Variants in RBM20 observed in about 807,000 individuals in gnomAD.
RBM20 encodes the protein RNA binding motif protein 20.
RBM20 carries 51 observed loss-of-function variants against 110.1 expected under a neutral mutation model. The ratio of observed to expected loss-of-function variants is 0.46; its 90% CI spans 0.37 to 0.59. The LOEUF (loss-of-function observed/expected upper bound fraction) is 0.59. Ranked by LOEUF, RBM20 falls within the 20% of genes least tolerant of loss-of-function variation. The probability of loss-of-function intolerance (pLI) is 0.00; values close to 1 mark genes in which losing one functional copy is unlikely to be tolerated. For missense variants in RBM20, 1,512 were observed against 1,574.9 expected (o/e 0.96, Z 0.68); for synonymous variants, 589 against 618.2 (o/e 0.95, Z 0.70).
rs139040180 is a variant in RBM20 at position 110,784,535 on chromosome 10, C to A, written c.1429+103C>A. 1.3e-3 allele frequency: 1,143 copies of A among 885,802 alleles called. 3 individuals are homozygous for A. Among genetic ancestry groups the A allele is most frequent in the Non-Finnish European group, 1.6e-3 (848 of 544,464 alleles). 54.9% of individuals were successfully genotyped at this position (885,802 alleles called of 1,614,324 possible). ...ACCAGGACTTCCCTGATGTCCCCTT[C>A]TCACGGATGTAGAAAGCAAACAGAT... On this transcript the variant is annotated intron_variant, in intron 4 of 13. Transcript: ENST00000369519.
chr10:110,725,751 G>C (rs1294212299), intron 1 of RBM20, among the ~76,000 whole-genome samples: 1 of 152,228 alleles, frequency 6.6e-6, no homozygotes, highest in Non-Finnish European at 1.5e-5. Context: ...GCTATTGCGG[G>C]GAGGCAGCGT....
At chr10:110,698,442 A>T (rs1203616627) in intron 1 of RBM20, among the ~76,000 whole-genome samples, 3 of 152,192 alleles carry the variant, frequency 2.0e-5, no homozygotes, top group Non-Finnish European at 4.4e-5. Flanking sequence ...GCCTGGCAGG[A>T]ACCCTGCCTG....
chr10:110,643,807 C>T (rs1439818492), upstream of RBM20, among the ~76,000 whole-genome samples: 4 of 152,224 alleles, frequency 2.6e-5, no homozygotes, highest in Non-Finnish European at 2.9e-5. Flanking sequence ...CTTTCTTCCC[C>T]TCAGGGTCGG....
chr10:110,747,297 G>GC (rs956966271), intron 1 of RBM20, among the ~76,000 whole-genome samples: 10 of 80,400 alleles, frequency 1.2e-4, no homozygotes, highest in African/African-American at 6.6e-4. Context: ...CTCTTTTTTT[G>GC]GGGGGGGGGG....
chr10:110,765,434 C>T (rs1844067123), intron 1 of RBM20, among the ~76,000 whole-genome samples: 1 of 152,004 alleles, frequency 6.6e-6, no homozygotes, highest in Non-Finnish European at 1.5e-5. Context: ...TCTGAGCACC[C>T]CTGAAGTAGC....
At chr10:110,752,654 A>T (rs1189426559) in intron 1 of RBM20, among the ~76,000 whole-genome samples, 1 of 152,128 alleles carries the variant, frequency 6.6e-6, no homozygotes, top group African/African-American at 2.4e-5. Flanking sequence ...AATATTGCAT[A>T]CACACCCAAA....
intron 1 of RBM20, among the ~76,000 whole-genome samples, chr10:110,752,854 T>A (rs1228352305): frequency 6.7e-6 from 1 of 150,006 alleles, no homozygotes; most frequent in East Asian, 1.9e-4. Context: ...CACTTGTGTT[T>A]CTATTATTTT....
At chr10:110,723,399 T>C (rs1843530109) in intron 1 of RBM20, among the ~76,000 whole-genome samples, 1 of 152,232 alleles carries the variant, frequency 6.6e-6, no homozygotes. Context: ...CCTGTCTGTG[T>C]GGATTTGCCT....
intron 1 of RBM20, among the ~76,000 whole-genome samples, chr10:110,721,970 G>A (rs2134934026): frequency 6.6e-6 from 1 of 152,134 alleles, no homozygotes; most frequent in South Asian, 2.1e-4. Flanking sequence ...GTTGGAGAGG[G>A]GAGGGCTCCC....
At chr10:110,698,188 G>A (rs533949219) in intron 1 of RBM20, among the ~76,000 whole-genome samples, 11 of 152,272 alleles carry the variant, frequency 7.2e-5, no homozygotes, top group Non-Finnish European at 1.3e-4. Context: ...GATTACAGGC[G>A]TGAGCCACCG....
At chr10:110,740,292 A>G (rs1270647872) in intron 1 of RBM20, among the ~76,000 whole-genome samples, 1 of 152,178 alleles carries the variant, frequency 6.6e-6, no homozygotes, top group African/African-American at 2.4e-5. Flanking sequence ...GAGACCATCT[A>G]GTGTAGGTCA....
At chr10:110,728,426 CT>C (rs201202810) in intron 1 of RBM20, among the ~76,000 whole-genome samples, 5 of 151,682 alleles carry the variant, frequency 3.3e-5, no homozygotes, top group East Asian at 1.9e-4. Context: ...AAAAGCCACA[CT>C]TTTTTTTTGG....
At chr10:110,782,065 A>C (rs1844360907) in intron 2 of RBM20, among the ~76,000 whole-genome samples, 181 bp downstream of exon 2, 1 of 152,258 alleles carries the variant, frequency 6.6e-6, no homozygotes, top group South Asian at 2.1e-4. Context: ...GAAATGTATC[A>C]GGACCAGTCC....
intron 12 of RBM20, among the ~76,000 whole-genome samples, chr10:110,830,192 G>T (rs570983428): frequency 6.6e-6 from 1 of 152,174 alleles, no homozygotes; most frequent in African/African-American, 2.4e-5. Flanking sequence ...CTGACTGACC[G>T]TGTCTTCAAA....
At chr10:110,744,946 C>T (rs1843762047) in intron 1 of RBM20, among the ~76,000 whole-genome samples, 1 of 152,168 alleles carries the variant, frequency 6.6e-6, no homozygotes, top group Admixed American at 6.5e-5. Context: ...CCTCCCAGCA[C>T]CAAAAGGAGC....
At chr10:110,751,518 T>C (rs1843853472) in intron 1 of RBM20, among the ~76,000 whole-genome samples, 1 of 152,226 alleles carries the variant, frequency 6.6e-6, no homozygotes, top group Non-Finnish European at 1.5e-5. Flanking sequence ...TTCCTACACA[T>C]AAAATAATGT....
intron 1 of RBM20, among the ~76,000 whole-genome samples, chr10:110,715,668 T>A (rs188640852): frequency 6.6e-6 from 1 of 152,358 alleles, no homozygotes; most frequent in Admixed American, 6.5e-5. Flanking sequence ...GGCTGCTCCA[T>A]ATGATTCCTC....
chr10:110,767,256 C>T (rs1844109867), intron 1 of RBM20, among the ~76,000 whole-genome samples: 1 of 139,014 alleles, frequency 7.2e-6, no homozygotes, highest in African/African-American at 2.7e-5. Flanking sequence ...GCTGGCCGGG[C>T]AGAGGGGCTC....
At chr10:110,765,947 G>A (rs1047940400) in intron 1 of RBM20, among the ~76,000 whole-genome samples, 29 of 152,144 alleles carry the variant, frequency 1.9e-4, no homozygotes, top group African/African-American at 6.5e-4. Context: ...TGCCATGTAT[G>A]ATTTTTGTGG....
Sources: allele counts gnomAD v4.1 joint callset (sites outside exome capture counted in the v4.1 genomes callset), GRCh38; gene constraint gnomAD v4.1.1; transcripts MANE v1.5; gene names NCBI Gene and HGNC (gene_info 2026-07-23, HGNC 2026-07-21).